PLXNA4: variants seen among roughly 807,000 people sequenced by gnomAD.
The protein encoded by PLXNA4 is plexin A4, also known as plexin-A4.
In PLXNA4, 44 loss-of-function variants were observed where a neutral mutation model predicts 191.8. The observed-to-expected ratio is 0.23, with a 90% CI of 0.18 to 0.29. The LOEUF (loss-of-function observed/expected upper bound fraction) is 0.29. Ranked by LOEUF, PLXNA4 falls within the 10% of genes least tolerant of loss-of-function variation. The pLI is 1.00. For synonymous variants in PLXNA4, 1,082 were observed against 1,009.5 expected (o/e 1.07, Z -1.36); for missense variants, 1,800 against 2,488.8 (o/e 0.72, Z 5.89).
chr7:132,562,843 C>A (rs1220270998), intron 1 of PLXNA4, among the ~76,000 whole-genome samples: 1 of 85,052 alleles, frequency 1.2e-5, no homozygotes, highest in Non-Finnish European at 2.4e-5. Context: ...TCCTCCTTCT[C>A]TTCCTTTCTC....
intron 3 of PLXNA4, among the ~76,000 whole-genome samples, chr7:132,408,577 C>T (rs1026146802): frequency 2.4e-4 from 36 of 152,134 alleles, no homozygotes; most frequent in Middle Eastern, 6.8e-3. Flanking sequence ...GATTCTTCTG[C>T]CTCAGCCTCA....
intron 25 of PLXNA4, among the ~76,000 whole-genome samples, chr7:132,153,764 C>T (rs1365826293): frequency 6.6e-6 from 1 of 152,202 alleles, no homozygotes; most frequent in African/African-American, 2.4e-5. Context: ...CCCCAGGGTG[C>T]ACAGCACCTG....
rs530789478 is a variant in PLXNA4 at position 132,344,056 on chromosome 7, C to A, written c.1372-45834G>T. 1.8e-4 allele frequency among the ~76,000 whole-genome samples: 27 copies of A among 152,296 alleles called. No individual in the cohort carries two copies. In the South Asian group the frequency reaches 5.4e-3, roughly 30 times the overall value. On this transcript the variant is annotated intron_variant, in intron 3 of 31. Coordinates refer to ENST00000321063, the MANE Select transcript of PLXNA4 (RefSeq NM_020911.2). The stretch of plus-strand genomic sequence containing the variant: ...GCCTGCCCATAATGCCCCTAGTACC[C>A]AATGGCCAACTTGAATTACTGTGTC...
chr7:132,360,902 A>G (rs920712342), intron 3 of PLXNA4, among the ~76,000 whole-genome samples: 2 of 152,326 alleles, frequency 1.3e-5, no homozygotes, highest in East Asian at 1.9e-4. Flanking sequence ...CTGAATGCAC[A>G]TTTTATCCCT....
intron 1 of PLXNA4, among the ~76,000 whole-genome samples, chr7:132,542,542 T>A (rs1197514919): frequency 6.6e-6 from 1 of 152,224 alleles, no homozygotes; most frequent in African/African-American, 2.4e-5. Flanking sequence ...TGTATTGATA[T>A]TTTCTCCTTG....
chr7:132,264,686 T>C (rs1353518957), intron 4 of PLXNA4, among the ~76,000 whole-genome samples: 1 of 20,030 alleles, frequency 5.0e-5, no homozygotes, highest in African/African-American at 1.9e-3. Context: ...CCTCCCCGCT[T>C]TTTTTTTTTT....
intron 4 of PLXNA4, among the ~76,000 whole-genome samples, chr7:132,257,435 T>C (rs1799472111): frequency 6.6e-6 from 1 of 152,228 alleles, no homozygotes; most frequent in South Asian, 2.1e-4. Context: ...TCGCTCAGTG[T>C]GGTGGTGCAA....
chr7:132,162,493 T>C lies in PLXNA4; in HGVS notation c.4500+1649A>G, dbSNP rs566117504. Among the ~76,000 whole-genome samples, 43 of 152,244 alleles carry C rather than the reference T, an allele frequency of 2.8e-4. 1 individual carries two copies. In the South Asian group the frequency reaches 8.3e-3, roughly 29 times the overall value. Reference sequence around the variant, plus strand: ...TTGCAATTTGGGGACAGAACATTATTACAACTGATTGTGTTGGATTCAATA... The same window carrying C: ...TTGCAATTTGGGGACAGAACATTATCACAACTGATTGTGTTGGATTCAATA... On this transcript the variant is annotated intron_variant, in intron 24 of 31. Transcript: ENST00000321063.
chr7:132,448,679 A>C (rs1795999278), intron 3 of PLXNA4, among the ~76,000 whole-genome samples: 1 of 152,222 alleles, frequency 6.6e-6, no homozygotes, highest in Non-Finnish European at 1.5e-5. Context: ...TAAGGAAAGC[A>C]GTTATTGTTT....
intron 4 of PLXNA4, 98 bp from the exon 5 acceptor site, chr7:132,241,264 G>A: frequency 1.2e-6 from 1 of 810,946 alleles, no homozygotes; most frequent in Non-Finnish European, 1.9e-6. Flanking sequence ...TGTATCACCT[G>A]AAATGTTGCA....
At chr7:132,156,125 T>C (rs778827947) in intron 25 of PLXNA4, among the ~76,000 whole-genome samples, 32 of 130,670 alleles carry the variant, frequency 2.4e-4, no homozygotes, top group Non-Finnish European at 3.3e-4. Flanking sequence ...TCTCTCTCTG[T>C]TTCTGGACAT....
chr7:132,638,622 A>C (rs926313301), intron 2 of PLXNA4, among the ~76,000 whole-genome samples: 2 of 152,194 alleles, frequency 1.3e-5, no homozygotes, highest in Non-Finnish European at 2.9e-5. Context: ...ACTGCACTCC[A>C]GCCTGGGTGA....
rs1222540892 is a variant in PLXNA4, at chr7:132,342,963, A to AG, written c.1372-44742_1372-44741insC. ...CTCTGCCTCAAAAAAAAAAAAAAAG[A>AG]AAAAAAAAATTAAAAAAGAAGATAT... On this transcript the variant is annotated intron_variant, in intron 3 of 31. Transcript: ENST00000321063. 4.7e-3 allele frequency among the ~76,000 whole-genome samples: 700 copies of AG among 148,760 alleles called. 8 individuals are homozygous for AG. The highest frequency in any genetic ancestry group is 0.016 in the African/African-American group (661 of 40,138).
chr7:132,203,609 T>A (rs933271471), intron 10 of PLXNA4, among the ~76,000 whole-genome samples, 190 bp from the exon 11 acceptor site: 1 of 152,190 alleles, frequency 6.6e-6, no homozygotes, highest in Non-Finnish European at 1.5e-5. Context: ...GGCAGGGAAG[T>A]GCATATCAGA....
intron 1 of PLXNA4, among the ~76,000 whole-genome samples, chr7:132,563,259 TCTCCTCTTCATC>T: frequency 1.4e-5 from 1 of 70,804 alleles, no homozygotes; most frequent in Non-Finnish European, 2.8e-5. Context: ...TCCTACTCCT[TCTCCTCTTCATC>T]CTCCTCCTCC....
chr7:132,399,190 C>A lies in PLXNA4; in HGVS notation c.1371+90102G>T, dbSNP rs796736081. ...GTATTTACACACAGTTCTGCAGATT[C>A]AAATGGATTCAAATGGGCGCAAGGG... On this transcript the variant is annotated intron_variant, in intron 3 of 31. Coordinates refer to ENST00000321063, the MANE Select transcript of PLXNA4 (RefSeq NM_020911.2). Among the ~76,000 whole-genome samples the A allele has an allele frequency of 5.9e-5, 9 of 152,246 alleles. 1 individual carries two copies. The highest frequency in any genetic ancestry group is 2.2e-4 in the African/African-American group (9 of 41,536).
At chr7:132,301,583 T>C (rs1801307982) in intron 3 of PLXNA4, among the ~76,000 whole-genome samples, 1 of 152,184 alleles carries the variant, frequency 6.6e-6, no homozygotes, top group Non-Finnish European at 1.5e-5. Flanking sequence ...GTCATGCTTC[T>C]ATGAGTTCAC....
intron 3 of PLXNA4, among the ~76,000 whole-genome samples, chr7:132,390,504 A>G (rs1247777501): frequency 6.6e-6 from 1 of 152,152 alleles, no homozygotes; most frequent in Non-Finnish European, 1.5e-5. Flanking sequence ...ACCATGGCAC[A>G]TGTATACCTA....
chr7:132,284,646 C>G lies in PLXNA4; in HGVS notation c.1503+13445G>C, dbSNP rs547701653. 5.8e-4 allele frequency among the ~76,000 whole-genome samples: 89 copies of G among 152,282 alleles called. 1 individual carries two copies. In the Middle Eastern group the frequency reaches 0.02, roughly 35 times the overall value. ...CTCAGACTATGAGGCCAGAGCCAAC[C>G]AGGAGTGGGGCCGATGGAGGCCTCC... On this transcript the variant is annotated intron_variant, in intron 4 of 31. Coordinates refer to ENST00000321063, the MANE Select transcript of PLXNA4 (RefSeq NM_020911.2).
Sources: gnomAD v4.1 joint callset for allele counts (sites outside exome capture counted in the v4.1 genomes callset) on GRCh38, gnomAD v4.1.1 for gene constraint, MANE v1.5 for transcripts, NCBI Gene and HGNC (gene_info 2026-07-23, HGNC 2026-07-21) for gene names.